Variants in FAM114A1 observed in about 807,000 individuals in gnomAD.
FAM114A1 encodes the protein protein NOXP20.
In FAM114A1, 62 loss-of-function variants were observed where a neutral mutation model predicts 64.3. That is an observed-to-expected ratio of 0.96 (90% CI 0.79 to 1.19). FAM114A1 has a LOEUF of 1.19. FAM114A1 is among the 50% of genes most tolerant of loss of function. FAM114A1 has a pLI of 0.00. For missense variants in FAM114A1, 645 were observed against 676.3 expected, an observed-to-expected ratio of 0.95 and a Z score of 0.51; for synonymous variants, 254 against 251.1, an observed-to-expected ratio of 1.01 and a Z score of -0.11.
rs576879104 is a variant in FAM114A1 at position 38,870,086 on chromosome 4, A to T, written c.-9+1540A>T. Among the ~76,000 whole-genome samples the T allele has an allele frequency of 2.2e-3, 337 of 152,310 alleles. 3 individuals carry two copies. Among genetic ancestry groups the T allele is most frequent in the African/African-American group, 7.7e-3 (319 of 41,558 alleles). On this transcript the variant is annotated intron_variant, in intron 2 of 14. Transcript: ENST00000358869. ...ACAGTGAGGATCAAGTTGTGTGCCC[A>T]CAAAGGGATACTGGGACCAGAGGCC...
intron 8 of FAM114A1, among the ~76,000 whole-genome samples, chr4:38,917,412 C>T (rs983494310): frequency 6.6e-6 from 1 of 151,524 alleles, no homozygotes; most frequent in Non-Finnish European, 1.5e-5. Context: ...GATTTTGGAC[C>T]CCCTTACCTC....
chr4:38,908,424 A>G (rs1426813149), intron 6 of FAM114A1, among the ~76,000 whole-genome samples, 168 bp from the exon 7 acceptor site: 1 of 152,216 alleles, frequency 6.6e-6, no homozygotes, highest in Non-Finnish European at 1.5e-5. Context: ...TGCTTTTCCA[A>G]GGAAACGAGA....
chr4:38,931,390 G>A, intron 10 of FAM114A1, 61 bp from the exon 11 acceptor site: 1 of 1,529,194 alleles, frequency 6.5e-7, no homozygotes. Flanking sequence ...TCTTGGGGTT[G>A]GAATGACTTA....
chr4:38,873,093 C>T (rs1714247220), intron 2 of FAM114A1, among the ~76,000 whole-genome samples: 2 of 152,306 alleles, frequency 1.3e-5, no homozygotes, highest in East Asian at 3.9e-4. Context: ...GGGTTTCTAT[C>T]GTTCTTTACT....
chr4:38,885,423 A>T lies in FAM114A1; in HGVS notation c.349-6320A>T, dbSNP rs183658604. Among the ~76,000 whole-genome samples the T allele has an allele frequency of 6.8e-4, 104 of 151,998 alleles. 1 individual carries two copies. Among genetic ancestry groups the T allele is most frequent in the Admixed American group, 6.2e-3 (95 of 15,268 alleles). On this transcript the variant is annotated intron_variant, in intron 3 of 14. Coordinates refer to ENST00000358869, the MANE Select transcript of FAM114A1 (RefSeq NM_138389.4). ...ACCAAATAGATAGGACTACATGTGC[A>T]TGCCACCACGCCTGGCTAATTTTTT...
chr4:38,882,747 G>C (rs1475713035), intron 3 of FAM114A1, among the ~76,000 whole-genome samples: 1 of 117,704 alleles, frequency 8.5e-6, no homozygotes, highest in South Asian at 2.5e-4. Context: ...GCATAAATGT[G>C]TGTGTGGTGT....
chr4:38,872,573 G>A (rs1484455890), intron 2 of FAM114A1, among the ~76,000 whole-genome samples: 1 of 152,116 alleles, frequency 6.6e-6, no homozygotes, highest in Non-Finnish European at 1.5e-5. Flanking sequence ...AAAAAAATGA[G>A]AATAAAAGTG....
At position 38,914,981 on chromosome 4, in the gene FAM114A1, A is replaced by G. The variant is rs183070525; in HGVS notation, c.853A>G (p.Arg285Gly). The G allele has an allele frequency of 2.5e-6, 4 of 1,614,178 alleles. No individual in the cohort carries two copies. In the Admixed American group the frequency reaches 6.7e-5, roughly 27 times the overall value. Residue 285 changes from arginine to glycine, a missense_variant, in exon 8 of 15, where the codon AGA becomes GGA. Coordinates refer to ENST00000358869, the MANE Select transcript of FAM114A1 (RefSeq NM_138389.4). ...QRLAQQLTME[R>G]TAHYGMLFDE... ...ACTGGCACAGCAGCTCACGATGGAG[A>G]GAACCGCGCACTACGGGATGCTGTT...
chr4:38,911,609 G>A (rs1236824821), intron 7 of FAM114A1, among the ~76,000 whole-genome samples: 2 of 152,162 alleles, frequency 1.3e-5, no homozygotes, highest in African/African-American at 4.8e-5. Flanking sequence ...GATCCAGATC[G>A]CTTGTTGGAA....
chr4:38,911,055 T>C (rs1157433819), intron 7 of FAM114A1, among the ~76,000 whole-genome samples: 2 of 151,952 alleles, frequency 1.3e-5, no homozygotes, highest in African/African-American at 4.8e-5. Context: ...CTGGTTAGAG[T>C]GACTATCAGT....
intron 13 of FAM114A1, 108 bp from the exon 14 acceptor site, chr4:38,940,860 T>A: frequency 8.6e-7 from 1 of 1,167,230 alleles, no homozygotes; most frequent in Non-Finnish European, 1.3e-6. Flanking sequence ...CTTCCCCTCC[T>A]CTTCCTCTGC....
At chr4:38,940,909 G>A (rs372781149) in intron 13 of FAM114A1, 59 bp from the exon 14 acceptor site, 54 of 1,551,560 alleles carry the variant, frequency 3.5e-5, no homozygotes, top group South Asian at 1.2e-4. Flanking sequence ...TACATTTTAC[G>A]TGGCAAGCCT....
intron 7 of FAM114A1, 101 bp from the exon 8 acceptor site, chr4:38,914,820 C>G (rs1030690651): frequency 4.1e-5 from 55 of 1,338,640 alleles, no homozygotes; most frequent in Non-Finnish European, 5.2e-5. Context: ...ATCTCCCCCT[C>G]TCCAACACAA....
intron 14 of FAM114A1, among the ~76,000 whole-genome samples, chr4:38,941,477 A>G (rs997138388): frequency 1.3e-5 from 2 of 152,238 alleles, no homozygotes; most frequent in African/African-American, 4.8e-5. Context: ...TGCCCAGTCA[A>G]TGACAAGGGA....
intron 3 of FAM114A1, among the ~76,000 whole-genome samples, chr4:38,886,105 G>A (rs1715772595): frequency 6.6e-6 from 1 of 151,894 alleles, no homozygotes; most frequent in Non-Finnish European, 1.5e-5. Flanking sequence ...ATTTCATGAA[G>A]TAGTGGCACA....
intron 3 of FAM114A1, among the ~76,000 whole-genome samples, chr4:38,887,930 G>A (rs1157995292): frequency 6.6e-6 from 1 of 152,086 alleles, no homozygotes; most frequent in East Asian, 1.9e-4. Context: ...CACCCTATGA[G>A]TTACAAAACT....
chr4:38,891,829 A>G lies in FAM114A1; in HGVS notation c.435A>G (p.Val145=), dbSNP rs1716434717. The change falls in exon 4 of 15, where the codon GTA becomes GTG. Residue 145 remains valine (V), a splice_region_variant and synonymous_variant. Coordinates refer to ENST00000358869, the MANE Select transcript of FAM114A1 (RefSeq NM_138389.4). ...TGCTGTCGTCAGCATCTGCCACAGT[A>G]GGTAAGCATTGTATGTTGCATTGGA... ...KSLLSSASAT[V]GHGLTAVKEK... is the part of the protein sequence containing the mutation. 2 of 1,610,298 alleles carry G rather than the reference A, an allele frequency of 1.2e-6. No homozygotes were observed. The highest frequency in any genetic ancestry group is 1.7e-5 in the Admixed American group (1 of 59,012).
chr4:38,936,154 G>A (rs543711800), intron 13 of FAM114A1, among the ~76,000 whole-genome samples: 8 of 150,410 alleles, frequency 5.3e-5, no homozygotes, highest in African/African-American at 9.8e-5. Flanking sequence ...GTGCAGTGGC[G>A]CGATCTCGGC....
At chr4:38,882,318 C>CAAAAAA (rs56370212) in intron 3 of FAM114A1, among the ~76,000 whole-genome samples, 1 of 48,800 alleles carries the variant, frequency 2.0e-5, no homozygotes, top group African/African-American at 9.2e-5. Context: ...GACTCCGTCT[C>CAAAAAA]AAAAAAAAAA....
Sources: gnomAD v4.1 joint callset for allele counts (sites outside exome capture counted in the v4.1 genomes callset) on GRCh38, gnomAD v4.1.1 for gene constraint, MANE v1.5 for transcripts, NCBI Gene and HGNC (gene_info 2026-07-23, HGNC 2026-07-21) for gene names.